The following MYO5C variants were observed in gnomAD, a reference collection of about 807,000 sequenced individuals.
MYO5C encodes myosin VC.
A neutral mutation model predicts 235.7 loss-of-function variants in MYO5C; 194 were observed. The observed-to-expected ratio is 0.82, with a 90% CI of 0.73 to 0.93. The LOEUF (loss-of-function observed/expected upper bound fraction) is 0.93. Among genes scored for constraint, MYO5C ranks in the 40% least tolerant of loss-of-function variants. The pLI is 0.00. For missense variants in MYO5C, 2,038 were observed against 2,127.2 expected (o/e 0.96, Z 0.82); for synonymous variants, 707 against 754.8 (o/e 0.94, Z 1.04).
At chr15:52,224,271 A>C (rs1798997299) in intron 28 of MYO5C, among the ~76,000 whole-genome samples, 1 of 152,250 alleles carries the variant, frequency 6.6e-6, no homozygotes, top group Non-Finnish European at 1.5e-5. Flanking sequence ...TAACAGAGCG[A>C]GACTCCATCT....
At chr15:52,258,352 T>A (rs535322661) in intron 10 of MYO5C, among the ~76,000 whole-genome samples, 2 of 152,170 alleles carry the variant, frequency 1.3e-5, no homozygotes, top group East Asian at 3.9e-4. Context: ...CTTGGAGAGG[T>A]TCTGTGACTT....
At position 52,213,224 on chromosome 15, in the gene MYO5C, C is replaced by G. The variant is rs1372733420; in HGVS notation, c.4105G>C (p.Glu1369Gln). Residue 1369 changes from glutamate to glutamine, a missense_variant, in exon 34 of 41, where the codon GAA becomes CAA. Coordinates refer to ENST00000261839, the MANE Select transcript of MYO5C (RefSeq NM_018728.4). ...TTCTGAATGAGCTTGGCCTCGTCTT[C>G]TCTCTTGTATTGCAGCATTCCAAGG... ...EYLGMLQYKREDEAKLIQNLI... is the reference protein window; with the variant it reads ...EYLGMLQYKRQDEAKLIQNLI... 2 of 1,614,022 alleles carry G rather than the reference C, an allele frequency of 1.2e-6. No homozygotes were observed. The highest frequency in any genetic ancestry group is 3.3e-5 in the Admixed American group (2 of 60,006).
intron 20 of MYO5C, among the ~76,000 whole-genome samples, chr15:52,240,590 G>C (rs555282107): frequency 6.6e-6 from 1 of 151,570 alleles, no homozygotes; most frequent in African/African-American, 2.4e-5. Flanking sequence ...AAATTAGCTG[G>C]GCATGGTGGC....
intron 38 of MYO5C, among the ~76,000 whole-genome samples, chr15:52,197,709 C>T (rs1412413373): frequency 1.3e-5 from 2 of 152,148 alleles, no homozygotes; most frequent in Non-Finnish European, 2.9e-5. Context: ...TCATGAGGCT[C>T]ACTGCAACTT....
At chr15:52,287,296 AAC>A (rs1485018836) in intron 1 of MYO5C, among the ~76,000 whole-genome samples, 1 of 152,198 alleles carries the variant, frequency 6.6e-6, no homozygotes, top group African/African-American at 2.4e-5. Flanking sequence ...CTCATAAAGA[AAC>A]ACACAGACAC....
At chr15:52,220,531 T>A (rs555478995) in intron 30 of MYO5C, among the ~76,000 whole-genome samples, 6 of 152,160 alleles carry the variant, frequency 3.9e-5, no homozygotes, top group Admixed American at 6.5e-5. Context: ...TTTAAAAAAA[T>A]TTTTGGGCTG....
chr15:52,264,100 C>G, intron 9 of MYO5C, 90 bp downstream of exon 9: 1 of 949,414 alleles, frequency 1.1e-6, no homozygotes, highest in Non-Finnish European at 1.6e-6. Flanking sequence ...CCGACTATAT[C>G]TGGTGCTAAA....
intron 1 of MYO5C, among the ~76,000 whole-genome samples, chr15:52,285,952 G>A (rs1468514025): frequency 2.6e-5 from 4 of 151,938 alleles, no homozygotes; most frequent in South Asian, 2.1e-4. Context: ...AGTGAGGAGC[G>A]CCTCTTCCCG....
At chr15:52,273,191 T>C (rs6493551) in intron 5 of MYO5C, among the ~76,000 whole-genome samples, 146,587 of 152,180 alleles carry the variant, frequency 0.96, 70,844 homozygotes, top group East Asian at 1. Context: ...GGCATGGTGG[T>C]GTGTGCCTGT....
rs1173374003 is a variant in MYO5C, at chr15:52,251,311, A to T, written c.1662+79T>A. ...AAGTATGACTTGAATCTGATCAGAAACATTCCTGGCCTGCCTACTCCTTCT... is the reference window on the plus strand; with the variant it reads ...AAGTATGACTTGAATCTGATCAGAATCATTCCTGGCCTGCCTACTCCTTCT... On this transcript the variant is annotated intron_variant, in intron 13 of 40. Transcript: ENST00000261839. 9 of 1,368,358 alleles carry T rather than the reference A, an allele frequency of 6.6e-6. No individual in the cohort carries two copies. In the Admixed American group the frequency reaches 2.2e-4, roughly 33 times the overall value. The allele number at this position is 1,368,358 out of a possible 1,614,324, so 84.8% of individuals were successfully genotyped here.
Position 52,249,589 on chromosome 15 carries a change from C to A in MYO5C, c.1663-806G>T, listed in dbSNP as rs57625241. Among the ~76,000 whole-genome samples, 239 of 152,190 alleles carry A rather than the reference C, an allele frequency of 1.6e-3. 1 individual carries two copies. The highest frequency in any genetic ancestry group is 5.7e-3 in the African/African-American group (236 of 41,512). On this transcript the variant is annotated intron_variant, in intron 13 of 40. Coordinates refer to ENST00000261839, the MANE Select transcript of MYO5C (RefSeq NM_018728.4). ...CCCCCAGGTAAGGAAGTATCCTTGC[C>A]GGTAGGTAGGTTAAGATCCAGGAAC... is the stretch of plus-strand genomic sequence containing the variant.
At chr15:52,230,436 C>T (rs2035921680) in intron 24 of MYO5C, among the ~76,000 whole-genome samples, 1 of 150,788 alleles carries the variant, frequency 6.6e-6, no homozygotes, top group South Asian at 2.1e-4. Context: ...TGGAGTTTTG[C>T]TCTTTTACCC....
chr15:52,256,593 G>GCGCGCA (rs1555417678), intron 11 of MYO5C, 46 bp downstream of exon 11: 2 of 1,275,584 alleles, frequency 1.6e-6, no homozygotes, highest in African/African-American at 5.4e-5. Context: ...ACACACGCGC[G>GCGCGCA]CGCGCGCGGC....
At chr15:52,241,730 G>T (rs944439892) in intron 20 of MYO5C, among the ~76,000 whole-genome samples, 4 of 142,268 alleles carry the variant, frequency 2.8e-5, no homozygotes, top group Non-Finnish European at 4.6e-5. Context: ...AGTGCAACTG[G>T]TGTGTGTGTG....
chr15:52,206,433 C>G (rs969754368), intron 36 of MYO5C, among the ~76,000 whole-genome samples: 1 of 152,110 alleles, frequency 6.6e-6, no homozygotes, highest in African/African-American at 2.4e-5. Context: ...CCCTAACCCC[C>G]TAGTGTGGCT....
In MYO5C at chr15:52,232,803, G is replaced by A. The variant is rs1034673681; in HGVS notation, c.2963-118C>T. 4.7e-6 allele frequency: 4 copies of A among 846,394 alleles called. No homozygotes were observed. In the African/African-American group the frequency reaches 6.7e-5, roughly 14 times the overall value. 52.4% of individuals were successfully genotyped at this position (846,394 alleles called of 1,614,324 possible). A position where few individuals can be genotyped will look rare whatever the true frequency, so the allele number is the denominator to read the frequency against. ...ATCATGTGATGTTTATTATTAACAG[G>A]ACTTACAATGAGAGTATAGCTCATT... On this transcript the variant is annotated intron_variant, in intron 23 of 40. Transcript: ENST00000261839.
At chr15:52,263,397 G>T (rs1227709093) in intron 9 of MYO5C, among the ~76,000 whole-genome samples, 7 of 152,012 alleles carry the variant, frequency 4.6e-5, no homozygotes, top group African/African-American at 1.5e-4. Flanking sequence ...ATTAAATAAA[G>T]AAATCTTTCA....
intron 35 of MYO5C, among the ~76,000 whole-genome samples, chr15:52,209,967 A>T (rs8031893): frequency 0.76 from 115,883 of 152,010 alleles, 46,506 homozygotes; most frequent in Non-Finnish European, 0.89. Context: ...TTAATTAATT[A>T]ATTTATTTAT....
chr15:52,234,660 C>T (rs1009848364), intron 23 of MYO5C, among the ~76,000 whole-genome samples: 12 of 152,206 alleles, frequency 7.9e-5, no homozygotes, highest in East Asian at 3.8e-4. Flanking sequence ...CCTACAGAGA[C>T]AGGGTGGAGG....
Sources: gnomAD v4.1 joint callset for allele counts (sites outside exome capture counted in the v4.1 genomes callset) on GRCh38, gnomAD v4.1.1 for gene constraint, MANE v1.5 for transcripts, NCBI Gene and HGNC (gene_info 2026-07-23, HGNC 2026-07-21) for gene names.